The following CELF2 variants were observed in gnomAD, a reference collection of about 807,000 sequenced individuals.
CELF2 encodes the protein CUGBP Elav-like family member 2.
CELF2 carries 8 observed loss-of-function variants against 62.6 expected under a neutral mutation model. That is an observed-to-expected ratio of 0.13 (90% confidence interval 0.07 to 0.23). The LOEUF (loss-of-function observed/expected upper bound fraction) is 0.23, where lower values mean the gene tolerates loss of function less well. Ranked by LOEUF, CELF2 falls within the 10% of genes least tolerant of loss-of-function variation. The pLI is 1.00. For missense variants in CELF2, 333 were observed against 671.0 expected (o/e 0.50, Z 5.56); for synonymous variants, 258 against 250.0 (o/e 1.03, Z -0.30).
the CELF2 span, among the ~76,000 whole-genome samples, chr10:10,504,157 T>C: frequency 6.6e-6 from 1 of 152,116 alleles, no homozygotes; most frequent in Non-Finnish European, 1.5e-5. Flanking sequence ...AACTACATTA[T>C]TGCTTACTTG....
chr10:10,509,464 T>C, the CELF2 span, among the ~76,000 whole-genome samples: 1 of 152,190 alleles, frequency 6.6e-6, no homozygotes. Flanking sequence ...GAGACTACAG[T>C]GAGAACAGAG....
chr10:11,149,907 C>T (rs1012480009), intron 1 of CELF2, among the ~76,000 whole-genome samples: 4 of 152,232 alleles, frequency 2.6e-5, no homozygotes, highest in African/African-American at 9.6e-5. Context: ...ACCCTAATGT[C>T]TTTCCCCTGT....
intron 5 of CELF2, among the ~76,000 whole-genome samples, chr10:11,258,473 C>A (rs3780988): frequency 6.6e-6 from 1 of 152,114 alleles, no homozygotes; most frequent in South Asian, 2.1e-4. Flanking sequence ...ATTGTAGGCA[C>A]TTCTTTGCCA....
Position 11,267,201 on chromosome 10 carries a change from C to T in CELF2, c.618+524C>T, listed in dbSNP as rs894980917. Among the ~76,000 whole-genome samples, 4 of 152,218 alleles carry T rather than the reference C, an allele frequency of 2.6e-5. No individual in the cohort carries two copies. Among genetic ancestry groups the T allele is most frequent in the African/African-American group, 9.6e-5 (4 of 41,452 alleles). On this transcript the variant is annotated intron_variant, in intron 6 of 12. Coordinates refer to ENST00000633077, the MANE Select transcript of CELF2 (RefSeq NM_001326342.2). This position sits in a 1 kb window ranked among gnomAD's most constrained non-coding sequence, Gnocchi z 4.4. ...TTAATATTTCTCCCACTGCATTTAA[C>T]ATTGAAAGTGCAAATTTGGAAAATA...
chr10:10,750,014 C>T, the CELF2 span, among the ~76,000 whole-genome samples: 886 of 152,232 alleles, frequency 5.8e-3, 9 homozygotes, highest in Non-Finnish European at 9.0e-3. Context: ...CCGGGCGAGG[C>T]GGCTCACACC....
Position 11,214,043 on chromosome 10 carries a change from G to A in CELF2, c.272-3382G>A, listed in dbSNP as rs1450052524. On this transcript the variant is annotated intron_variant, in intron 2 of 12. Coordinates refer to ENST00000633077, the MANE Select transcript of CELF2 (RefSeq NM_001326342.2). The surrounding 1 kb of genome is among the most constrained non-coding windows in gnomAD (Gnocchi z 4.2). ...TCATGCCTATAGTCTAAGGGCTTTGGGAGGCCGAGGTGGGAGGACCACTTG... is the reference window on the plus strand; with the variant it reads ...TCATGCCTATAGTCTAAGGGCTTTGAGAGGCCGAGGTGGGAGGACCACTTG... 2.6e-5 allele frequency among the ~76,000 whole-genome samples: 4 copies of A among 152,138 alleles called. No homozygotes were observed. The highest frequency in any genetic ancestry group is 9.7e-5 in the African/African-American group (4 of 41,434).
chr10:10,622,681 G>A, the CELF2 span, among the ~76,000 whole-genome samples: 1 of 151,898 alleles, frequency 6.6e-6, no homozygotes, highest in East Asian at 1.9e-4. Context: ...ATAAAGCCGA[G>A]GTTATTGTCA....
At chr10:11,096,448 G>A (rs1473736980) in intron 1 of CELF2, 3 of 152,112 alleles carry the variant, frequency 2.0e-5, no homozygotes, top group East Asian at 3.8e-4. Flanking sequence ...AAAGATAATC[G>A]CTAATCACTA....
the CELF2 span, among the ~76,000 whole-genome samples, chr10:10,585,026 T>A: frequency 2.0e-5 from 3 of 152,086 alleles, no homozygotes; most frequent in African/African-American, 7.2e-5. Flanking sequence ...TAGCAAGAAT[T>A]AAAGAGAATT....
chr10:10,615,753 T>G, the CELF2 span, among the ~76,000 whole-genome samples: 1 of 152,100 alleles, frequency 6.6e-6, no homozygotes, highest in Non-Finnish European at 1.5e-5. Flanking sequence ...CCCCTTCACC[T>G]TCCACCATGA....
chr10:10,686,998 G>T, the CELF2 span, among the ~76,000 whole-genome samples: 1 of 152,120 alleles, frequency 6.6e-6, no homozygotes, highest in African/African-American at 2.4e-5. Flanking sequence ...TCTGGCCATT[G>T]TATGCTCCCT....
chr10:11,320,752 G>A, intron 10 of CELF2: 4 of 1,194,646 alleles, frequency 3.3e-6, no homozygotes, highest in Non-Finnish European at 3.5e-6. Flanking sequence ...AGCCCTGCAA[G>A]CTATCCCATA....
rs72121252 is a variant in CELF2, at chr10:10,932,676, A to ATGTG, written c.89+12693_89+12696dup. On this transcript the variant is annotated intron_variant, in intron 2 of 13. Transcript: ENST00000636488. ...CATGATAAAGTAAATATGTATGTGT[A>ATGTG]TGTGTGTGTGTGTGTGTGTATATAT... is the stretch of plus-strand genomic sequence containing the variant. Among the ~76,000 whole-genome samples the ATGTG allele has an allele frequency of 1.7e-3, 257 of 150,844 alleles. 4 individuals carry two copies. The highest frequency in any genetic ancestry group is 3.4e-4 in the Non-Finnish European group (23 of 67,594).
the CELF2 span, among the ~76,000 whole-genome samples, chr10:10,790,030 T>C: frequency 6.6e-6 from 1 of 152,096 alleles, no homozygotes; most frequent in Admixed American, 6.5e-5. Flanking sequence ...CTTATGTTTT[T>C]CTCTAATTTT....
Position 11,207,688 on chromosome 10 carries a change from C to T in CELF2, c.272-9737C>T, listed in dbSNP as rs183619939. 9.7e-4 allele frequency among the ~76,000 whole-genome samples: 147 copies of T among 152,320 alleles called. 1 individual carries two copies. The highest frequency in any genetic ancestry group is 3.1e-3 in the African/African-American group (129 of 41,560). ...CCGTGGAGTCCACATAACTCACATA[C>T]GGAAGGCCCGATGGCAGCATCGCCC... On this transcript the variant is annotated intron_variant, in intron 2 of 12. Coordinates refer to ENST00000633077, the MANE Select transcript of CELF2 (RefSeq NM_001326342.2). This position sits in a 1 kb window ranked among gnomAD's most constrained non-coding sequence, Gnocchi z 4.1.
intron 1 of CELF2, among the ~76,000 whole-genome samples, chr10:10,831,479 C>T (rs2057851856): frequency 6.6e-6 from 1 of 152,226 alleles, no homozygotes; most frequent in South Asian, 2.1e-4. Context: ...GTGTTGAGAA[C>T]AGGGATGAGA....
chr10:10,955,383 T>C (rs1276211919), intron 2 of CELF2, among the ~76,000 whole-genome samples: 1 of 152,250 alleles, frequency 6.6e-6, no homozygotes, highest in Non-Finnish European at 1.5e-5. Context: ...TCAGGGACTT[T>C]GCAGCTTCCT....
In CELF2 at chr10:10,927,346, T is replaced by TAAAAAAAAAAAAAAAAAAA. The variant is rs34283995; in HGVS notation, c.89+7349_89+7367dup. ...CACTCAAAGGAGAACCTAGTGACAT[T>TAAAAAAAAAAAAAAAAAAA]AAAAAAAAAAAAAAAAAAAACACCT... On this transcript the variant is annotated intron_variant, in intron 2 of 13. Coordinates refer to the CELF2 transcript ENST00000636488. 41 of 85,816 alleles carry TAAAAAAAAAAAAAAAAAAA rather than the reference T, an allele frequency of 4.8e-4. 1 individual carries two copies. The highest frequency in any genetic ancestry group is 5.9e-4 in the Admixed American group (4 of 6,784). 5.3% of individuals were successfully genotyped at this position (85,816 alleles called of 1,614,324 possible).
chr10:10,859,166 T>TA (rs1326242323), intron 1 of CELF2, among the ~76,000 whole-genome samples: 1 of 152,184 alleles, frequency 6.6e-6, no homozygotes, highest in Non-Finnish European at 1.5e-5. Context: ...GCTAATGATG[T>TA]AATTGTAAAA....
Sources: allele counts gnomAD v4.1 joint callset (sites outside exome capture counted in the v4.1 genomes callset), GRCh38; gene constraint gnomAD v4.1.1; non-coding constraint Gnocchi (gnomAD v3.1); transcripts MANE v1.5; gene names NCBI Gene and HGNC (gene_info 2026-07-23, HGNC 2026-07-21).